Variants in DCBLD2 observed in about 807,000 individuals in gnomAD.
The protein encoded by DCBLD2 is discoidin, CUB and LCCL domain-containing protein 2.
Under a neutral mutation model 86.8 loss-of-function variants are expected in DCBLD2, and 54 were observed. The ratio of observed to expected loss-of-function variants is 0.62; its 90% CI spans 0.50 to 0.78. The LOEUF is 0.78. Among genes scored for constraint, DCBLD2 ranks in the 30% least tolerant of loss-of-function variants. The probability of loss-of-function intolerance (pLI) is 0.00; values close to 1 mark genes in which losing one functional copy is unlikely to be tolerated. For synonymous variants in DCBLD2, 354 were observed against 341.3 expected (o/e 1.04, Z -0.41); for missense variants, 908 against 954.2 (o/e 0.95, Z 0.64).
At chr3:98,808,482 G>A (rs1941880549) in intron 12 of DCBLD2, among the ~76,000 whole-genome samples, 1 of 152,082 alleles carries the variant, frequency 6.6e-6, no homozygotes, top group Admixed American at 6.6e-5. Context: ...TATGAGAAGA[G>A]TTACTTTAAA....
intron 1 of DCBLD2, among the ~76,000 whole-genome samples, chr3:98,887,002 C>G (rs1943575649): frequency 6.6e-6 from 1 of 151,880 alleles, no homozygotes; most frequent in East Asian, 1.9e-4. Flanking sequence ...CAGCCACCCC[C>G]AGATTTTAGC....
In DCBLD2 at chr3:98,824,359, G is replaced by C. The variant is rs572933767; in HGVS notation, c.623+956C>G. 2.6e-5 allele frequency among the ~76,000 whole-genome samples: 4 copies of C among 152,216 alleles called. No individual in the cohort carries two copies. The South Asian group carries it at 8.3e-4, about 32-fold the overall frequency. On this transcript the variant is annotated intron_variant, in intron 4 of 15. Transcript: ENST00000326840. ...ACAGGGATAATGGGAGCTTGGATTT[G>C]TTGTGGCAGATCATGGAGCTGGAGA...
intron 1 of DCBLD2, among the ~76,000 whole-genome samples, chr3:98,890,620 T>C (rs1270332123): frequency 6.6e-6 from 1 of 152,088 alleles, no homozygotes; most frequent in African/African-American, 2.4e-5. Context: ...TTTTGTTACC[T>C]TCTACAGCAT....
At chr3:98,805,836 TC>T (rs1941829072) in intron 13 of DCBLD2, among the ~76,000 whole-genome samples, 1 of 152,076 alleles carries the variant, frequency 6.6e-6, no homozygotes, top group Non-Finnish European at 1.5e-5. Flanking sequence ...TCCTCAGTCC[TC>T]CCCCTCACAC....
chr3:98,862,821 T>G (rs1943070117), intron 2 of DCBLD2, among the ~76,000 whole-genome samples: 1 of 152,208 alleles, frequency 6.6e-6, no homozygotes, highest in East Asian at 1.9e-4. Context: ...AAAACAGGGA[T>G]GCCCTCTCTC....
At chr3:98,838,639 C>G (rs1275701483) in intron 3 of DCBLD2, among the ~76,000 whole-genome samples, 6 of 152,028 alleles carry the variant, frequency 3.9e-5, no homozygotes, top group Non-Finnish European at 8.8e-5. Context: ...ACTTCCCAGA[C>G]GGGGTGGCGG....
chr3:98,812,084 A>G (rs911153345), intron 10 of DCBLD2, among the ~76,000 whole-genome samples: 4 of 152,190 alleles, frequency 2.6e-5, no homozygotes, highest in Admixed American at 6.5e-5. Flanking sequence ...TAAATTTGGA[A>G]AGTGATCTCA....
At chr3:98,849,063 G>A (rs564198143) in intron 3 of DCBLD2, among the ~76,000 whole-genome samples, 1 of 152,030 alleles carries the variant, frequency 6.6e-6, no homozygotes, top group South Asian at 2.1e-4. Flanking sequence ...CAGCTACTCA[G>A]GAGGCTGGGA....
chr3:98,825,279 CAAAAAA>C (rs11341324), intron 4 of DCBLD2, 30 bp downstream of exon 4: 394 of 1,264,032 alleles, frequency 3.1e-4, no homozygotes, highest in Non-Finnish European at 4.0e-4. Flanking sequence ...AACATTTAAG[CAAAAAA>C]AAAAAAAAAA....
At chr3:98,894,262 A>G (rs1005516845) in intron 1 of DCBLD2, among the ~76,000 whole-genome samples, 3 of 152,084 alleles carry the variant, frequency 2.0e-5, no homozygotes, top group Non-Finnish European at 4.4e-5. Flanking sequence ...TCCAGCCTCC[A>G]TTTCTCATTA....
chr3:98,880,749 T>C (rs1943451535), intron 2 of DCBLD2, among the ~76,000 whole-genome samples: 1 of 148,682 alleles, frequency 6.7e-6, no homozygotes, highest in African/African-American at 2.4e-5. Context: ...ATTCCCTGTA[T>C]TTTTTACAAG....
chr3:98,841,843 A>G (rs1942626964), intron 3 of DCBLD2, among the ~76,000 whole-genome samples: 1 of 152,178 alleles, frequency 6.6e-6, no homozygotes, highest in Non-Finnish European at 1.5e-5. Flanking sequence ...CAGGCAGATC[A>G]CGAGGTCAGG....
intron 3 of DCBLD2, among the ~76,000 whole-genome samples, chr3:98,837,461 C>CA: frequency 4.1e-5 from 1 of 24,528 alleles, no homozygotes; most frequent in Admixed American, 3.0e-4. Context: ...GCTGGCCGGG[C>CA]GGGGGGCTGA....
chr3:98,852,016 G>A (rs1486260602), intron 2 of DCBLD2, among the ~76,000 whole-genome samples: 2 of 152,156 alleles, frequency 1.3e-5, no homozygotes, highest in Non-Finnish European at 2.9e-5. Context: ...CAGGACATAG[G>A]CATGGGCCAA....
chr3:98,834,722 A>G (rs1942396778), intron 3 of DCBLD2, among the ~76,000 whole-genome samples: 2 of 151,934 alleles, frequency 1.3e-5, no homozygotes, highest in Admixed American at 1.3e-4. Flanking sequence ...GATTGATTCT[A>G]TATTTTAGCT....
intron 9 of DCBLD2, 71 bp from the exon 10 acceptor site, chr3:98,812,553 A>G (rs749951950): frequency 1.2e-5 from 17 of 1,412,246 alleles, no homozygotes; most frequent in Non-Finnish European, 1.6e-5. Flanking sequence ...CCACTTAAAC[A>G]TGTTTTTGTT....
rs186658382 is a variant in DCBLD2 at position 98,827,488 on chromosome 3, T to A, written c.572-2122A>T. Among the ~76,000 whole-genome samples, 810 of 152,270 alleles carry A rather than the reference T, an allele frequency of 5.3e-3. 4 individuals are homozygous for A. The highest frequency in any genetic ancestry group is 8.7e-3 in the Non-Finnish European group (590 of 68,022). On this transcript the variant is annotated intron_variant, in intron 3 of 15. Transcript: ENST00000326840. Reference sequence around the variant, plus strand: ...TGGATTATTTGATCAGAACAGGGCTTTGGTTGTAAGTGCATGCAGTGCTGA... The same window carrying A: ...TGGATTATTTGATCAGAACAGGGCTATGGTTGTAAGTGCATGCAGTGCTGA...
intron 1 of DCBLD2, among the ~76,000 whole-genome samples, chr3:98,885,592 A>G (rs1943547708): frequency 6.6e-6 from 1 of 152,096 alleles, no homozygotes; most frequent in Non-Finnish European, 1.5e-5. Context: ...CAAATCAAGG[A>G]AAGACCTCGT....
chr3:98,817,519 A>G (rs904141081), intron 9 of DCBLD2, among the ~76,000 whole-genome samples: 1 of 152,224 alleles, frequency 6.6e-6, no homozygotes, highest in Admixed American at 6.5e-5. Flanking sequence ...GTGTCTAAAC[A>G]ATTCAATTAA....
Sources: allele counts gnomAD v4.1 joint callset (sites outside exome capture counted in the v4.1 genomes callset), GRCh38; gene constraint gnomAD v4.1.1; transcripts MANE v1.5; gene names NCBI Gene and HGNC (gene_info 2026-07-23, HGNC 2026-07-21).